MAML3: variants seen among roughly 807,000 people sequenced by gnomAD.
The protein encoded by MAML3 is mastermind like transcriptional coactivator 3.
Under a neutral mutation model 101.9 loss-of-function variants are expected in MAML3, and 27 were observed. The observed-to-expected ratio is 0.27, with a 90% CI of 0.20 to 0.37. MAML3 has a LOEUF of 0.37. MAML3 is among the 10% of genes least tolerant of loss of function. The pLI, the probability that MAML3 is intolerant of heterozygous loss-of-function variation, is 1.00. For missense variants in MAML3, 1,316 were observed against 1,444.9 expected (o/e 0.91, Z 1.45); for synonymous variants, 501 against 555.9 (o/e 0.90, Z 1.39).
chr4:139,772,612 G>A (rs546617996), intron 2 of MAML3, among the ~76,000 whole-genome samples: 44 of 151,752 alleles, frequency 2.9e-4, no homozygotes, highest in African/African-American at 9.7e-4. Flanking sequence ...CCAAGTGCAG[G>A]GATTACAGGT....
chr4:140,133,170 GA>G (rs1243698962), intron 1 of MAML3: 11 of 385,320 alleles, frequency 2.9e-5, no homozygotes, highest in Non-Finnish European at 4.1e-5. Flanking sequence ...CCAACAAAAA[GA>G]AAAAAAAGAG....
At chr4:140,079,166 A>T (rs1382337617) in intron 1 of MAML3, among the ~76,000 whole-genome samples, 3 of 152,210 alleles carry the variant, frequency 2.0e-5, no homozygotes, top group African/African-American at 7.2e-5. Flanking sequence ...TAACCTCTTC[A>T]GCCATGATAG....
chr4:140,006,042 G>C lies in MAML3; in HGVS notation c.469-115075C>G, dbSNP rs907822702. ...ATTCAGTCTCCTGACCTTGAATTTC[G>C]GGGGTTCTATAGTCATCTTTTGTTT... On this transcript the variant is annotated intron_variant, in intron 1 of 4. Transcript: ENST00000509479. Among the ~76,000 whole-genome samples, 10 of 152,158 alleles carry C rather than the reference G, an allele frequency of 6.6e-5. 1 individual carries two copies. The highest frequency in any genetic ancestry group is 2.0e-4 in the Admixed American group (3 of 15,276).
chr4:140,016,741 A>C (rs1176828398), intron 1 of MAML3, among the ~76,000 whole-genome samples: 1 of 152,246 alleles, frequency 6.6e-6, no homozygotes, highest in Admixed American at 6.5e-5. Context: ...TTGGCAAAAC[A>C]AACATAAAAC....
chr4:139,720,457 A>G, intron 4 of MAML3, 134 bp from the exon 5 acceptor site: 1 of 808,654 alleles, frequency 1.2e-6, no homozygotes. Flanking sequence ...TAAATCTGTA[A>G]CAAAAATGAT....
intron 1 of MAML3, among the ~76,000 whole-genome samples, chr4:140,057,072 A>T (rs966421362): frequency 5.3e-4 from 81 of 152,226 alleles, no homozygotes; most frequent in African/African-American, 1.8e-3. Flanking sequence ...TAAGCCAACC[A>T]GTGCCCAGCC....
At chr4:139,749,630 C>T (rs113335058) in intron 2 of MAML3, among the ~76,000 whole-genome samples, 2,148 of 152,244 alleles carry the variant, frequency 0.014, 49 homozygotes, top group African/African-American at 0.049. Flanking sequence ...ACATGGAGGC[C>T]ACATTTGTGT....
At chr4:139,958,285 A>G (rs1733947240) in intron 1 of MAML3, among the ~76,000 whole-genome samples, 1 of 152,206 alleles carries the variant, frequency 6.6e-6, no homozygotes, top group Admixed American at 6.5e-5. Flanking sequence ...CTGACATTCC[A>G]GAGATGCTGT....
chr4:140,021,985 A>T (rs1726740683), intron 1 of MAML3, among the ~76,000 whole-genome samples: 1 of 152,218 alleles, frequency 6.6e-6, no homozygotes, highest in Non-Finnish European at 1.5e-5. Context: ...AAGGTAACAT[A>T]GCCTACCAGG....
At chr4:140,078,028 A>AAAT (rs1553973336) in intron 1 of MAML3, among the ~76,000 whole-genome samples, 89,021 of 147,722 alleles carry the variant, frequency 0.6, 28,693 homozygotes, top group South Asian at 0.73. Context: ...AATAAATAAA[A>AAAT]AAATAAATAA....
At chr4:139,762,020 C>T (rs112915188) in intron 2 of MAML3, among the ~76,000 whole-genome samples, 1,624 of 151,878 alleles carry the variant, frequency 0.011, 28 homozygotes, top group African/African-American at 0.037. Context: ...TTGGATGGAC[C>T]GAGAGCCCAG....
intron 1 of MAML3, among the ~76,000 whole-genome samples, chr4:140,119,605 C>CCCTCTCTTCCTT (rs1553977532): frequency 2.1e-3 from 233 of 108,544 alleles, no homozygotes; most frequent in African/African-American, 8.8e-3. Flanking sequence ...CTCCCTCCCT[C>CCCTCTCTTCCTT]CCTCCCTTCC....
intron 2 of MAML3, among the ~76,000 whole-genome samples, chr4:139,750,203 C>T (rs567463921): frequency 1.3e-5 from 2 of 152,254 alleles, no homozygotes; most frequent in Admixed American, 1.3e-4. Context: ...GGTTCAGATC[C>T]CCTGGGTGCC....
At chr4:139,919,459 T>A (rs1733084562) in intron 1 of MAML3, among the ~76,000 whole-genome samples, 2 of 152,234 alleles carry the variant, frequency 1.3e-5, no homozygotes, top group Non-Finnish European at 2.9e-5. Flanking sequence ...ATGTCATAAC[T>A]TTTTTATGTA....
intron 1 of MAML3, among the ~76,000 whole-genome samples, chr4:139,919,745 T>C (rs998596397): frequency 1.1e-4 from 17 of 152,342 alleles, no homozygotes; most frequent in African/African-American, 3.8e-4. Context: ...TTTATAACTA[T>C]TGAGTCTTCA....
At chr4:139,822,816 G>C (rs1047504219) in intron 2 of MAML3, among the ~76,000 whole-genome samples, 2 of 152,308 alleles carry the variant, frequency 1.3e-5, no homozygotes, top group Admixed American at 6.5e-5. Flanking sequence ...TCAGAATTCT[G>C]TTTTCTTTTT....
At chr4:139,804,641 C>T (rs1489959064) in intron 2 of MAML3, among the ~76,000 whole-genome samples, 3 of 152,156 alleles carry the variant, frequency 2.0e-5, no homozygotes, top group Non-Finnish European at 4.4e-5. Context: ...TTAAGGTCTG[C>T]TTATACTCTA....
chr4:139,900,554 A>G (rs1732697738), intron 1 of MAML3, among the ~76,000 whole-genome samples: 1 of 152,206 alleles, frequency 6.6e-6, no homozygotes, highest in Admixed American at 6.5e-5. Context: ...GAATGAATAA[A>G]TTATATTTTC....
chr4:139,996,359 T>C (rs568295765), intron 1 of MAML3, among the ~76,000 whole-genome samples: 271 of 152,320 alleles, frequency 1.8e-3, no homozygotes, highest in African/African-American at 6.3e-3. Flanking sequence ...GAGTGGGGTA[T>C]TGAAATCTTT....
Sources: allele counts gnomAD v4.1 joint callset (sites outside exome capture counted in the v4.1 genomes callset), GRCh38; gene constraint gnomAD v4.1.1; transcripts MANE v1.5; gene names NCBI Gene and HGNC (gene_info 2026-07-23, HGNC 2026-07-21).